The following SLC16A5 variants were observed in gnomAD, a reference collection of about 807,000 sequenced individuals.
SLC16A5 encodes solute carrier family 16 member 5, also known as monocarboxylate transporter 6.
A neutral mutation model predicts 33.2 loss-of-function variants in SLC16A5; 29 were observed. That is an observed-to-expected ratio of 0.87 (90% CI 0.65 to 1.19). The LOEUF is 1.19. Ranked by LOEUF, SLC16A5 falls within the 50% of genes most tolerant of loss-of-function variation. SLC16A5 has a pLI of 0.00. For missense variants in SLC16A5, 606 were observed against 678.2 expected (o/e 0.89, Z 1.18); for synonymous variants, 248 against 284.1 (o/e 0.87, Z 1.28).
intron 2 of SLC16A5, among the ~76,000 whole-genome samples, chr17:75,092,026 G>GTGTGTGT (rs1555644925): frequency 1.8e-3 from 113 of 61,820 alleles, no homozygotes; most frequent in African/African-American, 4.3e-3. Flanking sequence ...AGATGTGAGG[G>GTGTGTGT]GGGTGTGTGT....
chr17:75,091,256 C>T (rs944216891), intron 2 of SLC16A5, among the ~76,000 whole-genome samples: 8 of 152,114 alleles, frequency 5.3e-5, no homozygotes, highest in African/African-American at 1.7e-4. Flanking sequence ...ACCTTGACAT[C>T]GGGGCAACAC....
At chr17:75,107,485 G>A (rs987855102), downstream of SLC16A5, among the ~76,000 whole-genome samples, 16 of 152,166 alleles carry the variant, frequency 1.1e-4, no homozygotes, top group Admixed American at 9.2e-4. Context: ...CCACCCCAAG[G>A]AGGGCCCCTC....
chr17:75,104,049 C>T lies in SLC16A5; in HGVS notation c.1233C>T (p.Phe411=). 1 of 1,614,238 alleles carries T rather than the reference C, an allele frequency of 6.2e-7. No homozygotes were observed. Among genetic ancestry groups the T allele is most frequent in the Non-Finnish European group, 8.5e-7 (1 of 1,180,040 alleles). The change falls in exon 6 of 7, where the codon TTC becomes TTT. Residue 411 remains phenylalanine (F), a synonymous_variant. Coordinates refer to ENST00000329783, the MANE Select transcript of SLC16A5 (RefSeq NM_004695.4). ...SSFFLISAAL[F]MGGSFYALQK... is the part of the protein sequence containing the mutation. ...TCTTCCTCATCTCAGCTGCCCTCTT[C>T]ATGGGTGGCAGCTTCTACGCCCTGC...
chr17:75,091,244 G>A (rs889300073), intron 2 of SLC16A5, among the ~76,000 whole-genome samples: 1 of 152,220 alleles, frequency 6.6e-6, no homozygotes, highest in Non-Finnish European at 1.5e-5. Flanking sequence ...AGCAGGGCTG[G>A]AACCTTGACA....
chr17:75,099,401 G>A (rs1026226277), intron 4 of SLC16A5, among the ~76,000 whole-genome samples: 7 of 152,102 alleles, frequency 4.6e-5, no homozygotes, highest in Non-Finnish European at 7.3e-5. Context: ...TAAGCCAAGA[G>A]AGACTTAATC....
At chr17:75,091,137 C>G (rs959875056) in intron 2 of SLC16A5, among the ~76,000 whole-genome samples, 30 of 152,016 alleles carry the variant, frequency 2.0e-4, no homozygotes, top group African/African-American at 7.0e-4. Context: ...CAGGCAAAGG[C>G]AGGAGGAAGC....
intron 3 of SLC16A5, among the ~76,000 whole-genome samples, chr17:75,096,599 C>T (rs1286527787): frequency 2.0e-5 from 3 of 150,698 alleles, no homozygotes; most frequent in Admixed American, 1.3e-4. Flanking sequence ...GGCACAGTCT[C>T]GGCTCACTGC....
chr17:75,109,863 T>C (rs73995778), downstream of SLC16A5: 2,203 of 200,766 alleles, frequency 0.011, 47 homozygotes, highest in African/African-American at 0.049. The surrounding 1 kb of genome is among the most constrained non-coding windows in gnomAD (Gnocchi z 5.0). Context: ...GCTAAAGAGC[T>C]TCGGCATCCA....
intron 4 of SLC16A5, among the ~76,000 whole-genome samples, chr17:75,099,535 G>A (rs1166850139): frequency 2.0e-5 from 3 of 152,096 alleles, no homozygotes; most frequent in Admixed American, 1.3e-4. Flanking sequence ...TCCACTTCCC[G>A]GGTTCAAGTG....
intron 2 of SLC16A5, among the ~76,000 whole-genome samples, chr17:75,092,214 A>G (rs993567504): frequency 2.6e-4 from 39 of 151,732 alleles, no homozygotes; most frequent in Admixed American, 4.6e-4. Flanking sequence ...ACCTGCTTGT[A>G]TGCCTCTGTG....
chr17:75,105,741 G>C, intron 6 of SLC16A5, 139 bp from the exon 7 acceptor site: 3 of 1,408,654 alleles, frequency 2.1e-6, no homozygotes, highest in Non-Finnish European at 2.8e-6. Context: ...GACAAACAGA[G>C]CTGGAGTACG....
rs760944321 is a variant in SLC16A5, at chr17:75,100,448, A to T, written c.785A>T (p.Tyr262Phe). ...FPLPQVFLVP[Y>F]AMWHSVDEQQ... The stretch of plus-strand genomic sequence containing the variant: ...CTGCCACAAGTCTTCCTGGTGCCAT[A>T]TGCCATGTGGCACAGCGTGGACGAG... Residue 262 changes from tyrosine to phenylalanine, a missense_variant, in exon 5 of 7, where the codon TAT (tyrosine) becomes TTT (phenylalanine). Transcript: ENST00000329783. The T allele has an allele frequency of 6.2e-7, 1 of 1,614,196 alleles. No individual in the cohort carries two copies. Among genetic ancestry groups the T allele is most frequent in the Non-Finnish European group, 8.5e-7 (1 of 1,180,034 alleles).
chr17:75,110,022 C>T (rs1015979566), downstream of SLC16A5: 1 of 421,526 alleles, frequency 2.4e-6, no homozygotes, highest in African/African-American at 2.1e-5. Flanking sequence ...CCGCGAGCCC[C>T]AACCAGTAGA....
chr17:75,087,442 G>A (rs1303931970), upstream of SLC16A5, among the ~76,000 whole-genome samples: 2 of 152,238 alleles, frequency 1.3e-5, no homozygotes, highest in Non-Finnish European at 2.9e-5. Context: ...CTGTAGTTCT[G>A]AGGGCCACAT....
intron 2 of SLC16A5, chr17:75,093,323 C>A: frequency 7.7e-7 from 1 of 1,296,282 alleles, no homozygotes; most frequent in Non-Finnish European, 1.1e-6. Context: ...TGCCACCTGC[C>A]CTGCCCCGTC....
rs763215264 is a variant in SLC16A5, at chr17:75,104,133, C to T, written c.1317C>T (p.Phe439=). Residue 439 remains phenylalanine (F), a synonymous_variant, in exon 6 of 7, where the codon TTC becomes TTT. Coordinates refer to ENST00000329783, the MANE Select transcript of SLC16A5 (RefSeq NM_004695.4). The part of the protein sequence containing the change: ...VAADALERDL[F]LEAKDGPGKQ... ...CGGATGCCCTGGAGCGGGATCTTTT[C>T]TTGGAAGCCAAAGACGGTCCTGGGA... 63 of 1,614,120 alleles carry T rather than the reference C, an allele frequency of 3.9e-5. 1 individual carries two copies. The South Asian group carries it at 5.3e-4, about 14-fold the overall frequency.
At chr17:75,091,641 G>A (rs895898080) in intron 2 of SLC16A5, among the ~76,000 whole-genome samples, 2 of 152,206 alleles carry the variant, frequency 1.3e-5, no homozygotes, top group Non-Finnish European at 2.9e-5. Flanking sequence ...GGAAGCAGTG[G>A]GGTGCTGGGC....
At chr17:75,097,205 G>A (rs773319356) in intron 3 of SLC16A5, among the ~76,000 whole-genome samples, 26 of 151,872 alleles carry the variant, frequency 1.7e-4, no homozygotes, top group Non-Finnish European at 2.5e-4. Flanking sequence ...CATCTCATGC[G>A]CACACACTTC....
In SLC16A5 at chr17:75,100,574, G is replaced by GC. The variant is rs761060135; in HGVS notation, c.912dup (p.Lys305GlnfsTer15). 9 of 1,614,192 alleles carry GC rather than the reference G, an allele frequency of 5.6e-6. No individual in the cohort carries two copies. The South Asian group carries it at 8.8e-5, about 16-fold the overall frequency. On this transcript the variant is annotated frameshift_variant, in exon 5 of 7. Coordinates refer to ENST00000329783, the MANE Select transcript of SLC16A5 (RefSeq NM_004695.4). LOFTEE classifies it high-confidence loss of function. Reference sequence around the variant, plus strand: ...GGACGGCCGGCCTTTGCTAGCCACCGCAAGTACCTGTTCAGCCTGGCACTC... The same window carrying GC: ...GGACGGCCGGCCTTTGCTAGCCACCGCCAAGTACCTGTTCAGCCTGGCACTC...
Sources: allele counts gnomAD v4.1 joint callset (sites outside exome capture counted in the v4.1 genomes callset), GRCh38; gene constraint gnomAD v4.1.1; non-coding constraint Gnocchi (gnomAD v3.1); transcripts MANE v1.5; gene names NCBI Gene and HGNC (gene_info 2026-07-23, HGNC 2026-07-21).